The following SLC12A1 variants were observed in gnomAD, a reference collection of about 807,000 sequenced individuals.
The protein encoded by SLC12A1 is solute carrier family 12 member 1, also known as Na-K-2Cl cotransporter.
SLC12A1 carries 89 observed loss-of-function variants against 130.4 expected under a neutral mutation model. The ratio of observed to expected loss-of-function variants is 0.68; its 90% CI spans 0.58 to 0.81. SLC12A1 has a LOEUF of 0.81. Ranked by LOEUF, SLC12A1 falls within the 40% of genes least tolerant of loss-of-function variation. SLC12A1 has a pLI of 0.00. For missense variants in SLC12A1, 1,310 were observed against 1,336.4 expected, an observed-to-expected ratio of 0.98 and a Z score of 0.31; for synonymous variants, 499 against 460.0, an observed-to-expected ratio of 1.08 and a Z score of -1.09.
At chr15:48,232,192 T>C (rs1295881637) in intron 7 of SLC12A1, among the ~76,000 whole-genome samples, 1 of 152,182 alleles carries the variant, frequency 6.6e-6, no homozygotes, top group South Asian at 2.1e-4. Flanking sequence ...CCTTGCAGCA[T>C]TGGAGGGGCT....
chr15:48,226,087 A>G, intron 4 of SLC12A1: 1 of 186,250 alleles, frequency 5.4e-6, no homozygotes, highest in Non-Finnish European at 1.1e-5. Context: ...AAGAGATGCA[A>G]GAAAAATGGG....
intron 15 of SLC12A1, among the ~76,000 whole-genome samples, 190 bp downstream of exon 15, chr15:48,251,960 T>G (rs1390406544): frequency 6.6e-6 from 1 of 152,114 alleles, no homozygotes; most frequent in African/African-American, 2.4e-5. Flanking sequence ...ATCCCAGCAC[T>G]TTAGGAGGCT....
chr15:48,236,950 G>A (rs758764434), intron 9 of SLC12A1: 45 of 685,348 alleles, frequency 6.6e-5, no homozygotes, highest in African/African-American at 2.0e-4. Flanking sequence ...AGTCAGTTCC[G>A]CTTAGCTGGC....
At chr15:48,223,571 G>C (rs1005015907) in intron 4 of SLC12A1, 1 of 152,160 alleles carries the variant, frequency 6.6e-6, no homozygotes, top group Admixed American at 6.5e-5. Context: ...GAGTCAAAAG[G>C]AAAATAACAG....
chr15:48,259,072 C>A (rs1022350941), intron 16 of SLC12A1, 128 bp from the exon 17 acceptor site: 8 of 627,908 alleles, frequency 1.3e-5, no homozygotes, highest in South Asian at 1.3e-4. Flanking sequence ...GGTGCGAAAC[C>A]CAAAAAATAG....
At position 48,207,932 on chromosome 15, in the gene SLC12A1, C is replaced by G; in HGVS notation, c.213C>G (p.Asp71Glu). 1 of 1,614,030 alleles carries G rather than the reference C, an allele frequency of 6.2e-7. No individual in the cohort carries two copies. Among genetic ancestry groups the G allele is most frequent in the Non-Finnish European group, 8.5e-7 (1 of 1,179,886 alleles). The change falls in exon 2 of 27, where the codon GAC becomes GAG. Residue 71 changes from aspartate (D) to glutamate (E), a missense_variant. Physicochemically the swap from Asp to Glu is conservative, Grantham distance 45. Coordinates refer to ENST00000380993, the MANE Select transcript of SLC12A1 (RefSeq NM_000338.3). ...SFRPGNQECY[D>E]NFLQSGETAK... ...GGCCTGGGAATCAGGAGTGCTATGA[C>G]AATTTCCTCCAAAGTGGAGAAACTG...
chr15:48,227,356 C>T (rs2041303247), intron 5 of SLC12A1: 4 of 608,042 alleles, frequency 6.6e-6, no homozygotes, highest in Non-Finnish European at 1.2e-5. Flanking sequence ...TCTTCATTGA[C>T]ATGACCCATT....
chr15:48,234,643 G>C (rs1000745258), intron 8 of SLC12A1, among the ~76,000 whole-genome samples: 2 of 151,956 alleles, frequency 1.3e-5, no homozygotes, highest in Non-Finnish European at 2.9e-5. Flanking sequence ...ACTTGCGGGG[G>C]CCGAGGCAGG....
rs537340740 is a variant in SLC12A1 at position 48,215,915 on chromosome 15, C to T, written c.421-4719C>T. Among the ~76,000 whole-genome samples, 8 of 152,170 alleles carry T rather than the reference C, an allele frequency of 5.3e-5. No individual in the cohort carries two copies. In the South Asian group the frequency reaches 1.7e-3, roughly 32 times the overall value. ...GACGTACCCTGAATGAATTGCACAA[C>T]CAAAACTAGATTCCAAGTATCCTAG... On this transcript the variant is annotated intron_variant, in intron 2 of 26. Transcript: ENST00000380993.
At position 48,207,222 on chromosome 15, in the gene SLC12A1, G is replaced by A. The variant is rs1008775160; in HGVS notation, c.-186-312G>A. Among the ~76,000 whole-genome samples the A allele has an allele frequency of 2.6e-5, 4 of 152,250 alleles. No homozygotes were observed. The East Asian group carries it at 7.7e-4, about 29-fold the overall frequency. On this transcript the variant is annotated intron_variant, in intron 1 of 26. Transcript: ENST00000380993. ...GAGAATATTCTCATCAGCTCTTACT[G>A]TATTCAATAAGTAAAGTTACATCTT...
At chr15:48,290,287 A>T (rs2042105732) in intron 23 of SLC12A1, among the ~76,000 whole-genome samples, 1 of 152,182 alleles carries the variant, frequency 6.6e-6, no homozygotes, top group African/African-American at 2.4e-5. Context: ...ACAGGCATGG[A>T]GCTGTCATCT....
intron 7 of SLC12A1, among the ~76,000 whole-genome samples, chr15:48,231,028 T>C (rs1045285405): frequency 6.6e-6 from 1 of 152,226 alleles, no homozygotes; most frequent in Admixed American, 6.5e-5. Flanking sequence ...ATGGGAAACA[T>C]GTCTTTTGCC....
chr15:48,287,927 T>C lies in SLC12A1; in HGVS notation c.2630-116T>C, dbSNP rs940613489. The C allele has an allele frequency of 8.9e-6, 10 of 1,122,114 alleles. No homozygotes were observed. In the African/African-American group the frequency reaches 1.4e-4, roughly 16 times the overall value. 69.5% of individuals were successfully genotyped at this position (1,122,114 alleles called of 1,614,324 possible). A position where few individuals can be genotyped will look rare whatever the true frequency, so the allele number is the denominator to read the frequency against. ...GAAGAATACCGCTATTTATTTTAGG[T>C]ATAATAAACATGAATCTGTGACCTT... On this transcript the variant is annotated intron_variant, in intron 21 of 26. Transcript: ENST00000380993.
intron 9 of SLC12A1, 193 bp downstream of exon 9, chr15:48,235,197 C>A: frequency 1.5e-6 from 1 of 671,788 alleles, no homozygotes; most frequent in Non-Finnish European, 2.7e-6. Flanking sequence ...ATAATTCTTC[C>A]AAAAGTCTTA....
chr15:48,297,444 A>C (rs2042188855), intron 24 of SLC12A1, among the ~76,000 whole-genome samples: 1 of 152,244 alleles, frequency 6.6e-6, no homozygotes, highest in African/African-American at 2.4e-5. Flanking sequence ...GCATGGAGCC[A>C]TTCCCACTGA....
intron 25 of SLC12A1, among the ~76,000 whole-genome samples, chr15:48,299,687 T>C (rs181363217): frequency 6.6e-6 from 1 of 152,194 alleles, no homozygotes; most frequent in South Asian, 2.1e-4. Flanking sequence ...GAAAAACTTA[T>C]AAAGGCATCT....
intron 16 of SLC12A1, among the ~76,000 whole-genome samples, chr15:48,258,725 C>T (rs1213731485): frequency 6.6e-6 from 1 of 152,114 alleles, no homozygotes; most frequent in African/African-American, 2.4e-5. Context: ...TTTCATGATG[C>T]TATGAAGAAA....
intron 20 of SLC12A1, among the ~76,000 whole-genome samples, chr15:48,278,169 G>A (rs1399045024): frequency 6.6e-6 from 1 of 152,182 alleles, no homozygotes; most frequent in Admixed American, 6.5e-5. Context: ...ACGTGAACCC[G>A]GGAGGCGGAG....
At chr15:48,211,010 AT>A (rs1176921678) in intron 2 of SLC12A1, among the ~76,000 whole-genome samples, 3 of 152,080 alleles carry the variant, frequency 2.0e-5, no homozygotes, top group East Asian at 3.8e-4. Context: ...GACTTAAAGC[AT>A]TTTTTTTCTT....
Sources: allele counts gnomAD v4.1 joint callset (sites outside exome capture counted in the v4.1 genomes callset), GRCh38; gene constraint gnomAD v4.1.1; transcripts MANE v1.5; gene names NCBI Gene and HGNC (gene_info 2026-07-23, HGNC 2026-07-21).